Variants in SLC66A3 observed in about 807,000 individuals in gnomAD.
The protein encoded by SLC66A3 is PQ loop repeat containing 3.
In SLC66A3, 23 loss-of-function variants were observed where a neutral mutation model predicts 25.5. That is an observed-to-expected ratio of 0.90 (90% CI 0.65 to 1.28). The LOEUF is 1.28. Among genes scored for constraint, SLC66A3 ranks in the 50% most tolerant of loss-of-function variants. The pLI is 0.00. For missense variants in SLC66A3, 246 were observed against 262.1 expected (o/e 0.94, Z 0.42); for synonymous variants, 108 against 112.6 (o/e 0.96, Z 0.26).
intron 4 of SLC66A3, among the ~76,000 whole-genome samples, chr2:11,165,263 AGGGG>A (rs1662286768): frequency 7.4e-6 from 1 of 135,706 alleles, no homozygotes; most frequent in African/African-American, 3.0e-5. Flanking sequence ...CACTTCTCAG[AGGGG>A]CGGCTGCCGG....
At chr2:11,159,254 GC>G (rs958719217) in intron 1 of SLC66A3, among the ~76,000 whole-genome samples, 2 of 152,172 alleles carry the variant, frequency 1.3e-5, no homozygotes, top group Non-Finnish European at 2.9e-5. Flanking sequence ...CCCTCTGCCA[GC>G]CCCCCTGGGC....
rs1165864981 is a variant in SLC66A3, at chr2:11,172,037, C to T, written c.467C>T (p.Thr156Ile). The T allele has an allele frequency of 6.2e-7, 1 of 1,613,906 alleles. No homozygotes were observed. Among genetic ancestry groups the T allele is most frequent in the Admixed American group, 1.7e-5 (1 of 59,996 alleles). ...SALTWSLSSY[T>I]CATRIITTLM... is the part of the protein sequence containing the mutation. ...CTGACTTGGAGCCTCTCTTCCTATA[C>T]CTGTGCAAGTAAGAACCGGACTCAC... The change falls in exon 5 of 7, where the codon ACC becomes ATC. Residue 156 changes from threonine (T) to isoleucine (I), a missense_variant. Physicochemically the swap from Thr to Ile is moderately conservative, Grantham distance 89. Transcript: ENST00000295083.
intron 3 of SLC66A3, among the ~76,000 whole-genome samples, chr2:11,161,037 T>C (rs1662110582): frequency 6.6e-6 from 1 of 152,096 alleles, no homozygotes; most frequent in Non-Finnish European, 1.5e-5. Flanking sequence ...TTGGAAGCAA[T>C]AATAATGAGA....
chr2:11,171,132 A>G (rs1178302754), intron 4 of SLC66A3, among the ~76,000 whole-genome samples: 1 of 151,976 alleles, frequency 6.6e-6, no homozygotes, highest in African/African-American at 2.4e-5. Context: ...AGCCTGGCCA[A>G]TGTGGCGAAA....
chr2:11,172,757 GCT>G (rs1276673138), intron 5 of SLC66A3: 1 of 437,710 alleles, frequency 2.3e-6, no homozygotes, highest in South Asian at 1.6e-5. Flanking sequence ...ACAGGGTCTC[GCT>G]CTCTCTCACA....
At chr2:11,172,860 A>AATT (rs759101883) in intron 5 of SLC66A3, 6 of 276,636 alleles carry the variant, frequency 2.2e-5, no homozygotes, top group East Asian at 1.2e-4. Context: ...GCTAATTTTT[A>AATT]ATTATTATTA....
chr2:11,176,175 G>A (rs531497699), intron 6 of SLC66A3, among the ~76,000 whole-genome samples: 1 of 152,148 alleles, frequency 6.6e-6, no homozygotes, highest in African/African-American at 2.4e-5. Context: ...ATCTATGACA[G>A]CTGTTCTTGA....
intron 1 of SLC66A3, among the ~76,000 whole-genome samples, chr2:11,156,073 G>A (rs554900195): frequency 6.6e-6 from 1 of 152,310 alleles, no homozygotes; most frequent in African/African-American, 2.4e-5. Context: ...CGTCAACCTC[G>A]TTCTCGGGCC....
intron 6 of SLC66A3, among the ~76,000 whole-genome samples, chr2:11,176,460 C>T (rs1218647620): frequency 5.3e-5 from 8 of 152,178 alleles, no homozygotes; most frequent in Admixed American, 5.2e-4. Context: ...AGGTGATCCG[C>T]CCACCTCAGC....
intron 1 of SLC66A3, among the ~76,000 whole-genome samples, chr2:11,157,469 C>T (rs4668715): frequency 0.43 from 65,723 of 152,054 alleles, 14,581 homozygotes; most frequent in East Asian, 0.5. Context: ...CCTCCTGTCT[C>T]CCTGCCTGCC....
At chr2:11,171,032 C>G (rs957713354) in intron 4 of SLC66A3, among the ~76,000 whole-genome samples, 3 of 152,050 alleles carry the variant, frequency 2.0e-5, no homozygotes, top group Admixed American at 2.0e-4. Context: ...AAATAAATGT[C>G]TTAGTCTGGG....
rs758645497 is a variant in SLC66A3 at position 11,155,641 on chromosome 2, G to T, written c.95G>T (p.Arg32Leu). The T allele has an allele frequency of 1.3e-6, 2 of 1,510,500 alleles. No homozygotes were observed. Among genetic ancestry groups the T allele is most frequent in the East Asian group, 5.3e-5 (2 of 37,396 alleles). The allele number at this position is 1,510,500 out of a possible 1,614,324, so 93.6% of individuals were successfully genotyped here. A position where few individuals can be genotyped will look rare whatever the true frequency, so the allele number is the denominator to read the frequency against. The stretch of plus-strand genomic sequence containing the variant: ...CAGATCTCCGCTGTGCTAGCGGCGC[G>T]CAGCGCGCGGGGCCTCAGCCTTCCG... ...LPQISAVLAA[R>L]SARGLSLPSL... Residue 32 changes from arginine to leucine, a missense_variant, in exon 1 of 7, where the codon CGC (arginine) becomes CTC (leucine). Physicochemically the swap from Arg to Leu is moderately radical, Grantham distance 102. This residue lies in a region of SLC66A3 where 142 missense variants were observed against 130.3 expected (regional missense o/e 1.09). Transcript: ENST00000295083.
intron 4 of SLC66A3, among the ~76,000 whole-genome samples, chr2:11,164,489 G>A (rs867906995): frequency 1.6e-4 from 24 of 146,446 alleles, no homozygotes; most frequent in Admixed American, 6.9e-4. Flanking sequence ...TTACAGGCAT[G>A]TGCCACCACA....
intron 4 of SLC66A3, among the ~76,000 whole-genome samples, chr2:11,165,842 T>C (rs35768688): frequency 0.6 from 84,001 of 139,178 alleles, 23,406 homozygotes; most frequent in Middle Eastern, 0.62. Flanking sequence ...AGCGAAACCC[T>C]GTCTCCACCA....
chr2:11,168,587 G>A lies in SLC66A3; in HGVS notation c.355-3338G>A, dbSNP rs1041086891. On this transcript the variant is annotated intron_variant, in intron 4 of 6. Transcript: ENST00000295083. The stretch of plus-strand genomic sequence containing the variant: ...CAGCTTCCCCAGCTCTTCCCATTCC[G>A]CACCGACTCCTCGCCACCCCGCCGA... 4.6e-5 allele frequency among the ~76,000 whole-genome samples: 7 copies of A among 152,138 alleles called. No individual in the cohort carries two copies. The East Asian group carries it at 9.7e-4, about 21-fold the overall frequency.
rs533962127 is a variant in SLC66A3 at position 11,156,115 on chromosome 2, A to G, written c.143+426A>G. On this transcript the variant is annotated intron_variant, in intron 1 of 6. Transcript: ENST00000295083. Reference sequence around the variant, plus strand: ...TCCTCACCTGTGAAATAAGGGGTTGAACTAAGAATGTATGAATCTCTTCTC... The same window carrying G: ...TCCTCACCTGTGAAATAAGGGGTTGGACTAAGAATGTATGAATCTCTTCTC... Among the ~76,000 whole-genome samples the G allele has an allele frequency of 1.7e-3, 259 of 152,324 alleles. 1 individual carries two copies. The highest frequency in any genetic ancestry group is 6.1e-3 in the African/African-American group (253 of 41,574).
chr2:11,157,956 C>T (rs1463056127), intron 1 of SLC66A3, among the ~76,000 whole-genome samples: 1 of 152,230 alleles, frequency 6.6e-6, no homozygotes, highest in Non-Finnish European at 1.5e-5. Flanking sequence ...TGCAGCCTTC[C>T]ATGGACTGCG....
Position 11,155,536 on chromosome 2 carries a change from C to T in SLC66A3, c.-11C>T. On this transcript the variant is annotated 5_prime_UTR_variant, in exon 1 of 7. Transcript: ENST00000295083. ...CGCTGCGGCCGCCCAGGTGCCCGCG[C>T]CCGTGGCGCTATGGAGGCGGCGCTG... 6.7e-7 allele frequency: 1 copy of T among 1,490,152 alleles called. No homozygotes were observed. Among genetic ancestry groups the T allele is most frequent in the Non-Finnish European group, 8.9e-7 (1 of 1,128,454 alleles). 92.3% of individuals were successfully genotyped at this position (1,490,152 alleles called of 1,614,324 possible). A position where few individuals can be genotyped will look rare whatever the true frequency, so the allele number is the denominator to read the frequency against.
intron 6 of SLC66A3, among the ~76,000 whole-genome samples, chr2:11,175,345 A>C (rs1298017561): frequency 6.6e-6 from 1 of 152,240 alleles, no homozygotes; most frequent in Non-Finnish European, 1.5e-5. Context: ...ATGAGCATCT[A>C]AGGAGAACCT....
Sources: allele counts gnomAD v4.1 joint callset (sites outside exome capture counted in the v4.1 genomes callset), GRCh38; gene constraint gnomAD v4.1.1; regional missense constraint gnomAD v4.1.1; transcripts MANE v1.5; gene names NCBI Gene and HGNC (gene_info 2026-07-23, HGNC 2026-07-21).